SDK1: variants seen among roughly 807,000 people sequenced by gnomAD.
The protein encoded by SDK1 is protein sidekick-1.
In SDK1, 157 loss-of-function variants were observed where a neutral mutation model predicts 245.5. The observed-to-expected ratio is 0.64, with a 90% CI of 0.56 to 0.73. The LOEUF (loss-of-function observed/expected upper bound fraction) is 0.73. Ranked by LOEUF, SDK1 falls within the 30% of genes least tolerant of loss-of-function variation. SDK1 has a pLI of 0.00. For missense variants in SDK1, 3,583 were observed against 3,002.3 expected (o/e 1.19, Z -4.52); for synonymous variants, 1,647 against 1,278.5 (o/e 1.29, Z -6.15).
intron 16 of SDK1, among the ~76,000 whole-genome samples, chr7:4,014,254 G>GT (rs1786216259): frequency 6.6e-6 from 1 of 152,194 alleles, no homozygotes; most frequent in Non-Finnish European, 1.5e-5. Flanking sequence ...ATGTTACGAG[G>GT]CCACTTCGGG....
At chr7:3,878,604 T>C (rs962848994) in intron 5 of SDK1, among the ~76,000 whole-genome samples, 6 of 152,234 alleles carry the variant, frequency 3.9e-5, no homozygotes, top group African/African-American at 1.4e-4. Flanking sequence ...CTATTAACAC[T>C]GTATTTATCG....
chr7:3,971,376 G>C, intron 11 of SDK1, 90 bp from the exon 12 acceptor site: 1 of 819,216 alleles, frequency 1.2e-6, no homozygotes, highest in Non-Finnish European at 2.1e-6. Context: ...CGGAGGTTGT[G>C]ATGTCAGATG....
intron 1 of SDK1, among the ~76,000 whole-genome samples, chr7:3,390,360 A>G (rs371267049): frequency 6.6e-6 from 1 of 152,218 alleles, no homozygotes. Flanking sequence ...AATGTTTACC[A>G]CTGACAGTGA....
intron 4 of SDK1, among the ~76,000 whole-genome samples, chr7:3,655,501 A>ATATATATATATATATG (rs1554303530): frequency 5.7e-5 from 3 of 52,796 alleles, no homozygotes; most frequent in Non-Finnish European, 1.2e-4. Context: ...ATATATATAT[A>ATATATATATATATATG]TATGTATGTA....
At chr7:3,693,389 T>A (rs1381032266) in intron 4 of SDK1, among the ~76,000 whole-genome samples, 3 of 152,160 alleles carry the variant, frequency 2.0e-5, no homozygotes, top group Non-Finnish European at 4.4e-5. Flanking sequence ...AAAATCACAA[T>A]GGACAGTTCA....
chr7:3,507,286 A>C (rs954167353), intron 1 of SDK1, among the ~76,000 whole-genome samples: 7 of 152,190 alleles, frequency 4.6e-5, no homozygotes, highest in African/African-American at 1.7e-4. Context: ...GTATTCAGAC[A>C]AAAACCAAGG....
At chr7:3,723,945 G>T (rs75604987) in intron 4 of SDK1, among the ~76,000 whole-genome samples, 53,622 of 91,700 alleles carry the variant, frequency 0.58, 13,732 homozygotes, top group East Asian at 0.64. Context: ...TATATATATA[G>T]AGAGAGAGAG....
chr7:3,969,537 A>G, intron 11 of SDK1, 113 bp downstream of exon 11: 1 of 714,946 alleles, frequency 1.4e-6, no homozygotes. Flanking sequence ...TAATCAAAAG[A>G]GAATGATTAT....
At chr7:3,821,000 A>G (rs1779631159) in intron 4 of SDK1, among the ~76,000 whole-genome samples, 1 of 150,376 alleles carries the variant, frequency 6.6e-6, no homozygotes. Flanking sequence ...AGATATCCAT[A>G]CACAAAGCCT....
chr7:4,057,340 C>T (rs750776750), intron 19 of SDK1, among the ~76,000 whole-genome samples: 4 of 152,172 alleles, frequency 2.6e-5, no homozygotes, highest in Non-Finnish European at 5.9e-5. Flanking sequence ...CACCTGAGTA[C>T]TTCTCCTGGG....
chr7:3,592,668 A>G (rs1709873153), intron 1 of SDK1, among the ~76,000 whole-genome samples: 2 of 152,086 alleles, frequency 1.3e-5, no homozygotes, highest in Admixed American at 6.6e-5. Flanking sequence ...ATGCCTTTGT[A>G]TAATGCACAG....
At chr7:3,311,329 C>A (rs560281227) in intron 1 of SDK1, among the ~76,000 whole-genome samples, 1 of 152,104 alleles carries the variant, frequency 6.6e-6, no homozygotes, top group Admixed American at 6.5e-5. Flanking sequence ...GAACAAAAGG[C>A]CATTGGATTT....
chr7:3,362,219 C>A (rs982016340), intron 1 of SDK1, among the ~76,000 whole-genome samples: 2 of 152,194 alleles, frequency 1.3e-5, no homozygotes, highest in African/African-American at 4.8e-5. Context: ...TGGTGGCCGA[C>A]TACGACAGTG....
At chr7:3,953,428 G>A (rs766795665) in intron 7 of SDK1, among the ~76,000 whole-genome samples, 6 of 152,168 alleles carry the variant, frequency 3.9e-5, no homozygotes, top group Non-Finnish European at 8.8e-5. Context: ...GGCCTGAGCT[G>A]GTATTGCTAC....
intron 2 of SDK1, among the ~76,000 whole-genome samples, chr7:3,624,876 T>A (rs557067527): frequency 6.6e-6 from 1 of 151,892 alleles, no homozygotes; most frequent in East Asian, 1.9e-4. Context: ...AGAAACCCCA[T>A]CTCTACTAAA....
chr7:3,714,647 C>T (rs1009490890), intron 4 of SDK1, among the ~76,000 whole-genome samples: 3 of 152,166 alleles, frequency 2.0e-5, no homozygotes, highest in Non-Finnish European at 4.4e-5. Flanking sequence ...GTTTAATACA[C>T]TTTATTGAAG....
chr7:3,778,551 C>T (rs1012926445), intron 4 of SDK1, among the ~76,000 whole-genome samples: 1 of 152,198 alleles, frequency 6.6e-6, no homozygotes, highest in African/African-American at 2.4e-5. Context: ...AGGCTGCCTG[C>T]ACACATCTAT....
At chr7:3,577,722 G>A (rs1229224771) in intron 1 of SDK1, among the ~76,000 whole-genome samples, 1 of 152,012 alleles carries the variant, frequency 6.6e-6, no homozygotes, top group Non-Finnish European at 1.5e-5. Context: ...AGTGCTGTGA[G>A]GAAGGCATTT....
intron 1 of SDK1, among the ~76,000 whole-genome samples, chr7:3,500,379 G>A (rs1267157986): frequency 6.6e-6 from 1 of 152,070 alleles, no homozygotes; most frequent in Middle Eastern, 3.2e-3. Flanking sequence ...ATTCAAAAAT[G>A]TAGACATTTT....
Sources: allele counts gnomAD v4.1 joint callset (sites outside exome capture counted in the v4.1 genomes callset), GRCh38; gene constraint gnomAD v4.1.1; transcripts MANE v1.5; gene names NCBI Gene and HGNC (gene_info 2026-07-23, HGNC 2026-07-21).